MALAT1: variants seen among roughly 807,000 people sequenced by gnomAD.
MALAT1 encodes metastasis associated lung adenocarcinoma transcript 1.
chr11:65,500,981 G>A (rs370996930), exon 3 of MALAT1: 6 of 513,496 alleles, frequency 1.2e-5, no homozygotes, highest in African/African-American at 5.8e-5. Flanking sequence ...CCAAGTCCTG[G>A]AGAAATAGTA....
chr11:65,497,945 AG>A, intron 1 of MALAT1: 1 of 518,916 alleles, frequency 1.9e-6, no homozygotes, highest in Admixed American at 1.9e-5. Context: ...CTGCTATCTT[AG>A]CTGTCCTTAT....
exon 3 of MALAT1, chr11:65,499,135 T>G (rs111233937): frequency 3.9e-6 from 2 of 516,132 alleles, no homozygotes; most frequent in Non-Finnish European, 7.7e-6. Flanking sequence ...CTTTGAAAGA[T>G]AGAGATTAAT....
chr11:65,506,289 C>A, exon 4 of MALAT1: 1 of 455,750 alleles, frequency 2.2e-6, no homozygotes, highest in South Asian at 1.6e-5. Flanking sequence ...TATCTTTGAA[C>A]TATATACATC....
chr11:65,505,020 G>A (rs930688869), intron 3 of MALAT1: 1 of 518,802 alleles, frequency 1.9e-6, no homozygotes, highest in South Asian at 1.4e-5. Context: ...AGGAAAACAG[G>A]TGAACAAGCT....
exon 3 of MALAT1, chr11:65,499,208 C>G (rs761800686): frequency 4.0e-6 from 2 of 502,466 alleles, no homozygotes; most frequent in South Asian, 1.5e-5. Flanking sequence ...AAGTTTTTAA[C>G]GTAATTTTAA....
At chr11:65,502,855 T>G (rs751305654) in exon 3 of MALAT1, 7 of 498,630 alleles carry the variant, frequency 1.4e-5, no homozygotes, top group Non-Finnish European at 2.8e-5. Flanking sequence ...GCTACCAATT[T>G]AAAGTTACGG....
chr11:65,501,764 A>G lies in MALAT1; in HGVS notation n.3027A>G, dbSNP rs775644981. 9 of 518,900 alleles carry G rather than the reference A, an allele frequency of 1.7e-5. 1 individual carries two copies. Among genetic ancestry groups the G allele is most frequent in the Middle Eastern group, 3.2e-4 (1 of 3,168 alleles). 32.1% of individuals were successfully genotyped at this position (518,900 alleles called of 1,614,324 possible). A position where few individuals can be genotyped will look rare whatever the true frequency, so the allele number is the denominator to read the frequency against. On this transcript the variant is annotated non_coding_transcript_exon_variant, in exon 3 of 4. Coordinates refer to ENST00000619449, the Ensembl canonical transcript of MALAT1. The stretch of plus-strand genomic sequence containing the variant: ...GTTCATATTCAGTCATCTCAGGAGA[A>G]CTTCAGAAGAGCTTGAGTAGGCCAA...
exon 3 of MALAT1, chr11:65,503,356 C>G (rs1251293860): frequency 1.9e-6 from 1 of 518,768 alleles, no homozygotes; most frequent in Non-Finnish European, 3.8e-6. Context: ...AATTGTAGGA[C>G]TTGTTCCTGT....
At chr11:65,500,627 A>G (rs1245135250) in exon 3 of MALAT1, 1 of 518,990 alleles carries the variant, frequency 1.9e-6, no homozygotes, top group South Asian at 1.4e-5. Context: ...TCCAGGAAGG[A>G]GCGAGTGCAA....
exon 1 of MALAT1, chr11:65,497,816 A>T (rs1246779843): frequency 2.0e-6 from 1 of 510,650 alleles, no homozygotes; most frequent in Non-Finnish European, 3.9e-6. Flanking sequence ...GCGCAGCGCC[A>T]TTTTAGCAAC....
chr11:65,505,434 TAA>T (rs1565057311), intron 3 of MALAT1: 1 of 512,892 alleles, frequency 1.9e-6, no homozygotes, highest in Non-Finnish European at 3.9e-6. Context: ...CTCTTAATAA[TAA>T]AGCCCAAATC....
At chr11:65,504,880 T>C (rs745806242) in intron 3 of MALAT1, 6 of 518,712 alleles carry the variant, frequency 1.2e-5, no homozygotes, top group South Asian at 5.6e-5. Context: ...TAAGAAAAAA[T>C]AGCCTATTTA....
At position 65,497,787 on chromosome 11, in the gene MALAT1, G is replaced by T. The variant is rs116042952; in HGVS notation, n.100G>T. ...GTAAAGGACTGGGGCCCCGCAACTG[G>T]CCTCTCCTGCCCTCTTAAGCGCAGC... On this transcript the variant is annotated non_coding_transcript_exon_variant, in exon 1 of 4. Coordinates refer to ENST00000619449, the Ensembl canonical transcript of MALAT1. 2,964 of 482,200 alleles carry T rather than the reference G, an allele frequency of 6.1e-3. 69 individuals are homozygous for T. Among genetic ancestry groups the T allele is most frequent in the African/African-American group, 0.053 (2,644 of 50,216 alleles). The allele number at this position is 482,200 out of a possible 1,614,324, so 29.9% of individuals were successfully genotyped here.
chr11:65,499,271 A>C, exon 3 of MALAT1: 1 of 513,896 alleles, frequency 1.9e-6, no homozygotes, highest in South Asian at 1.4e-5. Flanking sequence ...AGCATGAGGA[A>C]GGAAAAGATA....
exon 3 of MALAT1, chr11:65,502,068 A>G (rs376235686): frequency 7.3e-5 from 38 of 517,634 alleles, no homozygotes; most frequent in Non-Finnish European, 1.2e-4. Flanking sequence ...GGGGGAAGTT[A>G]AATATGAGCC....
exon 3 of MALAT1, chr11:65,503,291 A>AC (rs1361765116): frequency 1.9e-6 from 1 of 518,100 alleles, no homozygotes; most frequent in Admixed American, 1.9e-5. Flanking sequence ...CTTTCTCCTG[A>AC]CCCCTTCCCT....
chr11:65,503,509 G>A (rs1854602337), exon 3 of MALAT1: 1 of 518,486 alleles, frequency 1.9e-6, no homozygotes, highest in Admixed American at 1.9e-5. Flanking sequence ...CTCTATGAAA[G>A]GAATAGCATG....
chr11:65,502,012 C>T (rs1854559199), exon 3 of MALAT1: 1 of 514,948 alleles, frequency 1.9e-6, no homozygotes, highest in Non-Finnish European at 3.9e-6. Flanking sequence ...TGGCAAGTAA[C>T]TCCCAATGAT....
chr11:65,498,123 A>T (rs779735027), intron 1 of MALAT1: 1 of 518,940 alleles, frequency 1.9e-6, no homozygotes, highest in South Asian at 1.4e-5. Flanking sequence ...AAAAACCCCT[A>T]AAAAAGCAGA....
Sources: allele counts gnomAD v4.1 joint callset, GRCh38; gene constraint gnomAD v4.1.1; transcripts MANE v1.5; gene names NCBI Gene and HGNC (gene_info 2026-07-23, HGNC 2026-07-21).